The following INO80 variants were observed in gnomAD, a reference collection of about 807,000 sequenced individuals.
The protein encoded by INO80 is chromatin-remodeling ATPase INO80.
Under a neutral mutation model 203.4 loss-of-function variants are expected in INO80, and 20 were observed. The ratio of observed to expected loss-of-function variants is 0.10; its 90% confidence interval spans 0.07 to 0.14. The LOEUF is 0.14. Among genes scored for constraint, INO80 ranks in the 10% least tolerant of loss-of-function variants. The pLI is 1.00. For synonymous variants in INO80, 726 were observed against 685.2 expected (o/e 1.06, Z -0.93); for missense variants, 1,419 against 1,914.4 (o/e 0.74, Z 4.83).
chr15:41,003,563 C>T (rs2043996229), intron 28 of INO80, among the ~76,000 whole-genome samples: 1 of 151,994 alleles, frequency 6.6e-6, no homozygotes, highest in Non-Finnish European at 1.5e-5. Flanking sequence ...CTCCTGACCT[C>T]AGATGACCCG....
At chr15:41,106,995 C>T (rs1877269574) in intron 1 of INO80, among the ~76,000 whole-genome samples, 1 of 152,192 alleles carries the variant, frequency 6.6e-6, no homozygotes. Context: ...CGGAATGTAA[C>T]TTTATCAATT....
chr15:41,097,643 G>A (rs530228298), intron 1 of INO80, among the ~76,000 whole-genome samples: 13 of 147,940 alleles, frequency 8.8e-5, no homozygotes, highest in Middle Eastern at 3.8e-3. Context: ...TAGCTAATTT[G>A]TTGTATTTTT....
At chr15:41,075,640 G>C (rs566620339) in intron 9 of INO80, among the ~76,000 whole-genome samples, 2 of 152,244 alleles carry the variant, frequency 1.3e-5, no homozygotes, top group East Asian at 3.9e-4. Flanking sequence ...ATTTTTAGTA[G>C]AGACGCGGTT....
At chr15:41,007,829 T>C (rs905837127) in intron 27 of INO80, among the ~76,000 whole-genome samples, 1 of 149,286 alleles carries the variant, frequency 6.7e-6, no homozygotes, top group Non-Finnish European at 1.5e-5. Context: ...TAGAGCGACA[T>C]CTACATCCTC....
chr15:41,100,167 C>T (rs982002943), intron 1 of INO80, among the ~76,000 whole-genome samples: 58 of 152,010 alleles, frequency 3.8e-4, no homozygotes, highest in Non-Finnish European at 1.3e-4. Context: ...CTCTGCCTCC[C>T]AGGTTCACGC....
At chr15:41,007,195 T>C (rs1003277674) in intron 27 of INO80, among the ~76,000 whole-genome samples, 2 of 147,442 alleles carry the variant, frequency 1.4e-5, no homozygotes, top group African/African-American at 2.5e-5. Flanking sequence ...TTTTTTTTTT[T>C]TTTTTTTAGA....
chr15:40,981,336 G>A (rs1893821027), intron 35 of INO80, among the ~76,000 whole-genome samples: 2 of 152,150 alleles, frequency 1.3e-5, no homozygotes, highest in South Asian at 2.1e-4. Context: ...AAACCCTGAT[G>A]AGTATATGCA....
intron 32 of INO80, 43 bp downstream of exon 32, chr15:40,985,295 C>CA: frequency 1.4e-6 from 2 of 1,434,862 alleles, no homozygotes; most frequent in Non-Finnish European, 9.8e-7. Context: ...GTAAGTACCC[C>CA]AGGCCCCATT....
intron 4 of INO80, among the ~76,000 whole-genome samples, chr15:41,092,403 A>G (rs574755327): frequency 6.6e-6 from 1 of 152,364 alleles, no homozygotes; most frequent in Admixed American, 6.5e-5. Flanking sequence ...GGGACATGTT[A>G]TCAGCAACAA....
intron 19 of INO80, among the ~76,000 whole-genome samples, chr15:41,051,239 G>C (rs1216978449): frequency 6.6e-6 from 1 of 150,758 alleles, no homozygotes; most frequent in Non-Finnish European, 1.5e-5. Flanking sequence ...CTGAAAATTA[G>C]CCAAAACAGG....
intron 1 of INO80, among the ~76,000 whole-genome samples, chr15:41,098,690 A>C (rs2045760749): frequency 6.6e-6 from 1 of 152,156 alleles, no homozygotes; most frequent in East Asian, 1.9e-4. Context: ...GACAAGCCAC[A>C]GACTAGAAGA....
chr15:41,004,572 G>A (rs557750828), intron 28 of INO80: 7 of 152,264 alleles, frequency 4.6e-5, no homozygotes, highest in East Asian at 1.9e-4. Flanking sequence ...CAACAGACCC[G>A]TCACTAGTGG....
chr15:40,992,574 T>C (rs2043830119), intron 29 of INO80, among the ~76,000 whole-genome samples: 1 of 152,204 alleles, frequency 6.6e-6, no homozygotes, highest in Non-Finnish European at 1.5e-5. Context: ...CAAAGCTAAA[T>C]AAATCTCAGG....
chr15:41,075,797 G>C (rs960031314), intron 9 of INO80, among the ~76,000 whole-genome samples: 1 of 151,782 alleles, frequency 6.6e-6, no homozygotes, highest in Non-Finnish European at 1.5e-5. Flanking sequence ...TCACCATATT[G>C]ACCAGGCTGG....
At chr15:41,089,743 C>CAAAAAAAA (rs796081701) in intron 5 of INO80, among the ~76,000 whole-genome samples, 1 of 112,988 alleles carries the variant, frequency 8.9e-6, no homozygotes. Context: ...AACTCAATCT[C>CAAAAAAAA]AAAAAAAAAA....
At chr15:41,020,385 G>A (rs1341987916) in intron 26 of INO80, among the ~76,000 whole-genome samples, 6 of 152,184 alleles carry the variant, frequency 3.9e-5, no homozygotes, top group Non-Finnish European at 8.8e-5. Context: ...CTAAGGCAAA[G>A]ATGAAAACCT....
intron 24 of INO80, among the ~76,000 whole-genome samples, chr15:41,036,174 AAAAAAAAAAAAC>A (rs1478266986): frequency 1.4e-5 from 2 of 147,332 alleles, no homozygotes; most frequent in African/African-American, 5.2e-5. Context: ...AAAAAAAAAA[AAAAAAAAAAAAC>A]CCAAAAAAAC....
intron 27 of INO80, chr15:41,013,241 G>T (rs2044157974): frequency 1.3e-5 from 2 of 152,218 alleles, no homozygotes; most frequent in South Asian, 4.1e-4. Flanking sequence ...TCTCTTTGAA[G>T]AGGGTATACG....
rs114123981 is a variant in INO80 at position 41,081,130 on chromosome 15, G to C, written c.874-57C>G. 3.6e-4 allele frequency: 400 copies of C among 1,104,800 alleles called. 1 individual carries two copies. In the African/African-American group the frequency reaches 5.7e-3, roughly 16 times the overall value. The allele number at this position is 1,104,800 out of a possible 1,614,324, so 68.4% of individuals were successfully genotyped here. On this transcript the variant is annotated intron_variant, in intron 7 of 35. Transcript: ENST00000648947. The stretch of plus-strand genomic sequence containing the variant: ...GGATTCATTTTTGAACTAAGACTAT[G>C]TAGAATGAACAGTCTTTTACTCAAT...
Sources: allele counts gnomAD v4.1 joint callset (sites outside exome capture counted in the v4.1 genomes callset), GRCh38; gene constraint gnomAD v4.1.1; transcripts MANE v1.5; gene names NCBI Gene and HGNC (gene_info 2026-07-23, HGNC 2026-07-21).